The following IGF2BP2 variants were observed in gnomAD, a reference collection of about 807,000 sequenced individuals.
IGF2BP2 encodes the protein insulin-like growth factor 2 mRNA-binding protein 2.
In IGF2BP2, 17 loss-of-function variants were observed where a neutral mutation model predicts 75.8. The observed-to-expected ratio is 0.22, with a 90% CI of 0.15 to 0.34. The LOEUF is 0.34. Among genes scored for constraint, IGF2BP2 ranks in the 10% least tolerant of loss-of-function variants. The probability of loss-of-function intolerance (pLI) is 1.00; values close to 1 mark genes in which losing one functional copy is unlikely to be tolerated. For synonymous variants in IGF2BP2, 288 were observed against 295.6 expected (o/e 0.97, Z 0.26); for missense variants, 516 against 772.4 (o/e 0.67, Z 3.93).
chr3:185,656,478 G>A (rs1302590455), intron 12 of IGF2BP2, among the ~76,000 whole-genome samples: 1 of 152,250 alleles, frequency 6.6e-6, no homozygotes, highest in Non-Finnish European at 1.5e-5. Context: ...TGGGGAGAAA[G>A]TGTAAGCATT....
intron 2 of IGF2BP2, among the ~76,000 whole-genome samples, chr3:185,745,422 G>C (rs1213101906): frequency 6.6e-6 from 1 of 152,152 alleles, no homozygotes; most frequent in East Asian, 1.9e-4. Context: ...GGTTAGTAGA[G>C]AGGTTTTATA....
intron 10 of IGF2BP2, among the ~76,000 whole-genome samples, chr3:185,665,180 A>AT (rs1717112152): frequency 1.3e-5 from 2 of 150,118 alleles, no homozygotes; most frequent in African/African-American, 4.9e-5. Context: ...AAAAAAAAAA[A>AT]AAAAAAAGAG....
chr3:185,748,807 G>T (rs1259055209), intron 2 of IGF2BP2, among the ~76,000 whole-genome samples: 1 of 152,080 alleles, frequency 6.6e-6, no homozygotes, highest in Non-Finnish European at 1.5e-5. Flanking sequence ...ATTCTACAAG[G>T]TCCCCTTATC....
chr3:185,646,721 G>C (rs1713622903), intron 15 of IGF2BP2, among the ~76,000 whole-genome samples: 1 of 152,186 alleles, frequency 6.6e-6, no homozygotes, highest in African/African-American at 2.4e-5. Flanking sequence ...GGTGAGGGAA[G>C]CTGAGGCCAT....
At chr3:185,666,505 G>GCAT (rs1041637496) in intron 10 of IGF2BP2, among the ~76,000 whole-genome samples, 5 of 152,198 alleles carry the variant, frequency 3.3e-5, no homozygotes, top group African/African-American at 1.2e-4. Context: ...GTGGTGGTGG[G>GCAT]CATCTGTAAT....
At chr3:185,770,401 G>A (rs977399282) in intron 2 of IGF2BP2, among the ~76,000 whole-genome samples, 4 of 152,196 alleles carry the variant, frequency 2.6e-5, no homozygotes, top group Non-Finnish European at 5.9e-5. Flanking sequence ...CCATGTCAGA[G>A]TGAGAAAGAG....
intron 2 of IGF2BP2, among the ~76,000 whole-genome samples, chr3:185,810,834 T>C (rs1247307156): frequency 6.6e-6 from 1 of 151,676 alleles, no homozygotes; most frequent in African/African-American, 2.4e-5. Flanking sequence ...ACTACTCAAG[T>C]TTTTACTTTA....
intron 2 of IGF2BP2, among the ~76,000 whole-genome samples, chr3:185,761,988 T>A (rs1051123966): frequency 6.6e-6 from 1 of 152,234 alleles, no homozygotes; most frequent in Non-Finnish European, 1.5e-5. Context: ...CTGTAGATAT[T>A]CTACCATGCT....
chr3:185,772,324 C>A (rs1170176884), intron 2 of IGF2BP2, among the ~76,000 whole-genome samples: 1 of 152,134 alleles, frequency 6.6e-6, no homozygotes, highest in African/African-American at 2.4e-5. Context: ...GTTCTATTTG[C>A]TGAAGAGAAA....
intron 2 of IGF2BP2, among the ~76,000 whole-genome samples, chr3:185,771,299 G>A (rs1411947317): frequency 6.6e-6 from 1 of 152,084 alleles, no homozygotes; most frequent in Non-Finnish European, 1.5e-5. Flanking sequence ...AAAATAGCCA[G>A]GTGTGGTGGT....
chr3:185,734,450 A>G (rs953667206), intron 2 of IGF2BP2, among the ~76,000 whole-genome samples: 2 of 150,432 alleles, frequency 1.3e-5, no homozygotes, highest in African/African-American at 4.8e-5. Flanking sequence ...CAAAAATTCC[A>G]CAATCGTTCA....
At position 185,649,430 on chromosome 3, in the gene IGF2BP2, G is replaced by A; in HGVS notation, c.1566C>T (p.Gly522=). The part of the protein sequence containing the change: ...AHIRVPSSTA[G]RVIGKGGKTV... ...TCTTGCCACCTTTGCCAATCACCCG[G>A]CCAGCTGTGGAAGAGGGCACTCTGA... Residue 522 remains glycine, a synonymous_variant, in exon 14 of 16, where the codon GGC becomes GGT. Transcript: ENST00000382199. The A allele has an allele frequency of 1.2e-6, 2 of 1,613,776 alleles. No homozygotes were observed. The highest frequency in any genetic ancestry group is 8.5e-7 in the Non-Finnish European group (1 of 1,179,958).
intron 2 of IGF2BP2, among the ~76,000 whole-genome samples, chr3:185,771,796 C>T (rs1733912213): frequency 6.6e-6 from 1 of 152,098 alleles, no homozygotes; most frequent in East Asian, 1.9e-4. Context: ...CATTGCAACA[C>T]TTAGTCTTGG....
In IGF2BP2 at chr3:185,795,148, C is replaced by T. The variant is rs569051076; in HGVS notation, c.239+28005G>A. Reference sequence around the variant, plus strand: ...TCCTGACCTCGTGATCCACCCACCTCGGCCTCCCAAAGTGCTGGGATTACA... The same window carrying T: ...TCCTGACCTCGTGATCCACCCACCTTGGCCTCCCAAAGTGCTGGGATTACA... On this transcript the variant is annotated intron_variant, in intron 2 of 15. Transcript: ENST00000382199. Among the ~76,000 whole-genome samples, 8 of 152,230 alleles carry T rather than the reference C, an allele frequency of 5.3e-5. No individual in the cohort carries two copies. In the East Asian group the frequency reaches 1.5e-3, roughly 29 times the overall value.
intron 2 of IGF2BP2, among the ~76,000 whole-genome samples, chr3:185,796,661 G>A (rs1166493929): frequency 7.4e-6 from 1 of 134,274 alleles, no homozygotes; most frequent in Non-Finnish European, 1.6e-5. Flanking sequence ...TAATACAATA[G>A]ACAACAATTT....
chr3:185,744,822 T>C (rs768077752), intron 2 of IGF2BP2, among the ~76,000 whole-genome samples: 7 of 152,020 alleles, frequency 4.6e-5, no homozygotes, highest in Admixed American at 2.0e-4. Flanking sequence ...AAAGAAAAAA[T>C]TGGAATCACA....
At chr3:185,742,683 A>G (rs1729728811) in intron 2 of IGF2BP2, among the ~76,000 whole-genome samples, 1 of 152,156 alleles carries the variant, frequency 6.6e-6, no homozygotes, top group Admixed American at 6.5e-5. Flanking sequence ...AAAGTGAAAC[A>G]AAAACAGCTG....
At chr3:185,688,598 C>A (rs528968649) in intron 6 of IGF2BP2, among the ~76,000 whole-genome samples, 5 of 152,328 alleles carry the variant, frequency 3.3e-5, no homozygotes, top group South Asian at 2.1e-4. Context: ...CTGCTTCAGC[C>A]TCCCAAAGTG....
At position 185,647,957 on chromosome 3, in the gene IGF2BP2, A is replaced by G. The variant is rs1713879318; in HGVS notation, c.1594-819T>C. Among the ~76,000 whole-genome samples the G allele has an allele frequency of 6.6e-6, 1 of 152,254 alleles. No homozygotes were observed. The highest frequency in any genetic ancestry group is 6.5e-5 in the Admixed American group (1 of 15,286). On this transcript the variant is annotated intron_variant, in intron 14 of 15. Transcript: ENST00000382199. The surrounding 1 kb of genome is among the most constrained non-coding windows in gnomAD (Gnocchi z 4.9). ...AGCTAAACAGGACACCCAGGGGCTC[A>G]GGATTCTACTCCCTGCTGATCCATC...
Sources: gnomAD v4.1 joint callset for allele counts (sites outside exome capture counted in the v4.1 genomes callset) on GRCh38, gnomAD v4.1.1 for gene constraint, Gnocchi (gnomAD v3.1) non-coding constraint, MANE v1.5 for transcripts, NCBI Gene and HGNC (gene_info 2026-07-23, HGNC 2026-07-21) for gene names.